Variants in TENM4 observed in about 807,000 individuals in gnomAD.
TENM4 encodes the protein teneurin-4.
Under a neutral mutation model 243.3 loss-of-function variants are expected in TENM4, and 82 were observed. The ratio of observed to expected loss-of-function variants is 0.34; its 90% confidence interval spans 0.28 to 0.40. TENM4 has a LOEUF of 0.40. Among genes scored for constraint, TENM4 ranks in the 10% least tolerant of loss-of-function variants. The probability of loss-of-function intolerance (pLI) is 1.00; values close to 1 mark genes in which losing one functional copy is unlikely to be tolerated. For synonymous variants in TENM4, 1,412 were observed against 1,456.3 expected, an observed-to-expected ratio of 0.97 and a Z score of 0.69; for missense variants, 3,138 against 3,673.3, an observed-to-expected ratio of 0.85 and a Z score of 3.77.
chr11:79,153,797 G>GC, intron 3 of TENM4, among the ~76,000 whole-genome samples: 1 of 152,140 alleles, frequency 6.6e-6, no homozygotes, highest in Admixed American at 6.5e-5. Flanking sequence ...GGTCTACGAG[G>GC]CCCCCTTTCT....
At chr11:79,153,578 C>T (rs979068283) in intron 3 of TENM4, among the ~76,000 whole-genome samples, 2 of 152,260 alleles carry the variant, frequency 1.3e-5, no homozygotes, top group African/African-American at 4.8e-5. Flanking sequence ...TGCCCAAACA[C>T]CCCTTAACCT....
intron 4 of TENM4, among the ~76,000 whole-genome samples, chr11:79,083,061 C>T (rs1449800937): frequency 1.3e-5 from 2 of 152,206 alleles, no homozygotes; most frequent in Non-Finnish European, 2.9e-5. Context: ...AAGCCTTGTG[C>T]TGCTCCCATT....
At position 79,325,015 on chromosome 11, in the gene TENM4, T is replaced by C. The variant is rs143854172; in HGVS notation, c.-320-27472A>G. Reference sequence around the variant, plus strand: ...GGCCACTCAGCCAGGGACAGGTTTTTCTGAGAAGGAGGATACTGAAAGGCT... The same window carrying C: ...GGCCACTCAGCCAGGGACAGGTTTTCCTGAGAAGGAGGATACTGAAAGGCT... On this transcript the variant is annotated intron_variant, in intron 1 of 33. Coordinates refer to ENST00000278550, the MANE Select transcript of TENM4 (RefSeq NM_001098816.3). Among the ~76,000 whole-genome samples the C allele has an allele frequency of 3.9e-5, 6 of 152,298 alleles. 1 individual carries two copies. The highest frequency in any genetic ancestry group is 4.1e-4 in the South Asian group (2 of 4,824).
chr11:78,821,516 T>G (rs777619813), intron 12 of TENM4, among the ~76,000 whole-genome samples: 8 of 152,196 alleles, frequency 5.3e-5, no homozygotes, highest in African/African-American at 9.7e-5. Flanking sequence ...GAATAAACAG[T>G]GATACGAAGC....
At chr11:79,114,318 T>G (rs941573923) in intron 4 of TENM4, among the ~76,000 whole-genome samples, 4 of 152,198 alleles carry the variant, frequency 2.6e-5, no homozygotes, top group African/African-American at 9.6e-5. Flanking sequence ...CACTGGCTAC[T>G]TTTGCATTTG....
At chr11:79,130,812 G>C (rs992970715) in intron 4 of TENM4, among the ~76,000 whole-genome samples, 2 of 152,094 alleles carry the variant, frequency 1.3e-5, no homozygotes, top group Admixed American at 6.5e-5. Context: ...AACAGAGTGA[G>C]ACTCCATCTC....
intron 17 of TENM4, among the ~76,000 whole-genome samples, chr11:78,775,128 T>C (rs138540044): frequency 6.6e-5 from 10 of 152,286 alleles, no homozygotes; most frequent in Middle Eastern, 3.4e-3. Context: ...CTCCAAGAAG[T>C]CTTAGAATAA....
intron 3 of TENM4, among the ~76,000 whole-genome samples, chr11:79,181,761 T>C (rs1027871983): frequency 1.3e-5 from 2 of 151,444 alleles, no homozygotes; most frequent in Admixed American, 6.6e-5. Flanking sequence ...GGTTGCAGGA[T>C]ACAAAGTTAA....
intron 4 of TENM4, among the ~76,000 whole-genome samples, chr11:79,133,257 T>A (rs1210446444): frequency 1.3e-5 from 2 of 152,092 alleles, no homozygotes; most frequent in Admixed American, 1.3e-4. Context: ...CTAGAAGAGA[T>A]AAATAAATTC....
chr11:78,759,882 G>C (rs1023214416), intron 18 of TENM4, among the ~76,000 whole-genome samples: 7 of 152,322 alleles, frequency 4.6e-5, no homozygotes, highest in African/African-American at 1.4e-4. Context: ...TCTGAACTCA[G>C]TTCTTTCTGA....
chr11:79,051,105 T>C (rs1479744913), intron 6 of TENM4, among the ~76,000 whole-genome samples: 1 of 152,230 alleles, frequency 6.6e-6, no homozygotes, highest in Non-Finnish European at 1.5e-5. Flanking sequence ...GTCACAAATG[T>C]TAAACAAAAT....
At chr11:78,795,302 C>T (rs1439779194) in intron 15 of TENM4, among the ~76,000 whole-genome samples, 1 of 152,152 alleles carries the variant, frequency 6.6e-6, no homozygotes, top group African/African-American at 2.4e-5. Flanking sequence ...GTGAGTCTTA[C>T]ACAGGAAACA....
chr11:79,002,328 T>C (rs1024290588), intron 6 of TENM4, among the ~76,000 whole-genome samples: 4 of 152,362 alleles, frequency 2.6e-5, no homozygotes, highest in African/African-American at 9.6e-5. Flanking sequence ...GCCATGCTGC[T>C]ACAGCTACTG....
rs1451448934 is a variant in TENM4, at chr11:78,890,545, C to T, written c.849-525G>A. ...AAAGGGGGTTTTATTGGTGTTGAAG[C>T]CAAGAAACCACCACTAAGTTATGCC... On this transcript the variant is annotated intron_variant, in intron 8 of 33. Coordinates refer to ENST00000278550, the MANE Select transcript of TENM4 (RefSeq NM_001098816.3). Among the ~76,000 whole-genome samples, 62 of 152,292 alleles carry T rather than the reference C, an allele frequency of 4.1e-4. 2 individuals are homozygous for T. Among genetic ancestry groups the T allele is most frequent in the Non-Finnish European group, 7.4e-5 (5 of 68,024 alleles).
intron 4 of TENM4, among the ~76,000 whole-genome samples, chr11:79,124,655 G>T (rs1339984576): frequency 6.7e-6 from 1 of 148,974 alleles, no homozygotes; most frequent in South Asian, 2.2e-4. Flanking sequence ...ATGTGTGTGT[G>T]TGTGTGTGTG....
Position 79,311,174 on chromosome 11 carries a change from A to G in TENM4, c.-320-13631T>C, listed in dbSNP as rs1856715817. ...TAGGGCATTTCTAGCTTCTGACCGG[A>G]CAAAATCCTGCATCCAACAATAATT... On this transcript the variant is annotated intron_variant, in intron 1 of 33. Coordinates refer to ENST00000278550, the MANE Select transcript of TENM4 (RefSeq NM_001098816.3). 2.0e-5 allele frequency among the ~76,000 whole-genome samples: 3 copies of G among 152,212 alleles called. No homozygotes were observed. The South Asian group carries it at 6.2e-4, about 32-fold the overall frequency.
At chr11:79,042,951 T>G (rs575829739) in intron 6 of TENM4, among the ~76,000 whole-genome samples, 45 of 152,312 alleles carry the variant, frequency 3.0e-4, no homozygotes, top group Middle Eastern at 3.4e-3. Context: ...TTCCAACACC[T>G]ACATGTGGTG....
intron 1 of TENM4, among the ~76,000 whole-genome samples, chr11:79,391,388 C>T (rs534999498): frequency 6.8e-6 from 1 of 146,894 alleles, no homozygotes; most frequent in African/African-American, 2.5e-5. Context: ...CTGTGCTAGC[C>T]TGTGGGATGC....
Position 78,805,326 on chromosome 11 carries a change from A to G in TENM4, c.2145T>C (p.Cys715=). 9.5e-7 allele frequency: 1 copy of G among 1,053,764 alleles called. No individual in the cohort carries two copies. Among genetic ancestry groups the G allele is most frequent in the Non-Finnish European group, 1.2e-6 (1 of 861,696 alleles). 65.3% of individuals were successfully genotyped at this position (1,053,764 alleles called of 1,614,324 possible). Residue 715 remains cysteine, a synonymous_variant, in exon 15 of 34, where the codon TGT becomes TGC. Transcript: ENST00000278550. ...TFLPDTGLCS[C]DPSWTGHDCS... is the part of the protein sequence containing the mutation. ...AGTCGTGTCCAGTCCAGCTTGGGTC[A>G]CAGCTGCAAAGCCCGGTGTCCGGGA...
Sources: gnomAD v4.1 joint callset for allele counts (sites outside exome capture counted in the v4.1 genomes callset) on GRCh38, gnomAD v4.1.1 for gene constraint, MANE v1.5 for transcripts, NCBI Gene and HGNC (gene_info 2026-07-23, HGNC 2026-07-21) for gene names.